Variants in NAALADL2 observed in about 807,000 individuals in gnomAD.
NAALADL2 encodes the protein inactive N-acetylated-alpha-linked acidic dipeptidase-like protein 2.
In NAALADL2, 76 loss-of-function variants were observed where a neutral mutation model predicts 87.2. That is an observed-to-expected ratio of 0.87 (90% CI 0.72 to 1.05). NAALADL2 has a LOEUF of 1.05. Ranked by LOEUF, NAALADL2 falls within the 50% of genes least tolerant of loss-of-function variation. The probability of loss-of-function intolerance (pLI) is 0.00; values close to 1 mark genes in which losing one functional copy is unlikely to be tolerated. For missense variants in NAALADL2, 1,089 were observed against 945.8 expected (o/e 1.15, Z -1.99); for synonymous variants, 354 against 331.0 (o/e 1.07, Z -0.75).
intron 1 of NAALADL2, among the ~76,000 whole-genome samples, chr3:175,023,686 A>G (rs941582873): frequency 1.3e-5 from 2 of 152,118 alleles, no homozygotes; most frequent in African/African-American, 4.8e-5. Context: ...GACATCACTA[A>G]TAACAATGAA....
At chr3:175,304,493 C>T (rs1757460613) in intron 4 of NAALADL2, among the ~76,000 whole-genome samples, 1 of 152,078 alleles carries the variant, frequency 6.6e-6, no homozygotes, top group Non-Finnish European at 1.5e-5. Flanking sequence ...TGACACATGC[C>T]TGTACTCATT....
At chr3:175,088,074 T>G (rs1719389853) in intron 1 of NAALADL2, among the ~76,000 whole-genome samples, 1 of 152,138 alleles carries the variant, frequency 6.6e-6, no homozygotes, top group Non-Finnish European at 1.5e-5. Context: ...TTTTTAGATA[T>G]AAAATTAATA....
intron 1 of NAALADL2, among the ~76,000 whole-genome samples, chr3:175,073,120 A>G (rs1450197249): frequency 1.3e-5 from 2 of 152,098 alleles, no homozygotes; most frequent in East Asian, 3.9e-4. Context: ...TTAAAATATC[A>G]TTAAATAATT....
intron 1 of NAALADL2, among the ~76,000 whole-genome samples, chr3:174,502,436 A>T (rs1425393440): frequency 1.3e-5 from 2 of 152,296 alleles, no homozygotes; most frequent in East Asian, 3.9e-4. Context: ...GAAAGGCATC[A>T]TTCTCATTTA....
chr3:174,799,996 G>T (rs1172294528), intron 3 of NAALADL2, among the ~76,000 whole-genome samples: 1 of 152,112 alleles, frequency 6.6e-6, no homozygotes. Flanking sequence ...ATGATATAGG[G>T]TATCTGGCAG....
At chr3:175,189,469 T>C (rs1165145904) in intron 2 of NAALADL2, among the ~76,000 whole-genome samples, 16 of 151,924 alleles carry the variant, frequency 1.1e-4, no homozygotes. Flanking sequence ...CAAGGAAAAA[T>C]TCTATATATA....
chr3:174,542,265 T>A (rs1387697577), intron 1 of NAALADL2, among the ~76,000 whole-genome samples: 1 of 152,156 alleles, frequency 6.6e-6, no homozygotes, highest in Non-Finnish European at 1.5e-5. Context: ...TCTACCTCAT[T>A]CACCCCTCAG....
At chr3:174,702,657 C>G (rs1729666947) in intron 2 of NAALADL2, among the ~76,000 whole-genome samples, 1 of 152,112 alleles carries the variant, frequency 6.6e-6, no homozygotes, top group Non-Finnish European at 1.5e-5. Context: ...TGTCAGCCTG[C>G]AAGCATGTTA....
intron 2 of NAALADL2, among the ~76,000 whole-genome samples, chr3:174,651,730 A>G (rs548162792): frequency 5.9e-5 from 9 of 152,290 alleles, no homozygotes; most frequent in Non-Finnish European, 8.8e-5. Flanking sequence ...GCTTCAAATC[A>G]TAGGCAAAGA....
chr3:175,523,215 T>C (rs1732911764), intron 9 of NAALADL2, among the ~76,000 whole-genome samples: 2 of 152,208 alleles, frequency 1.3e-5, no homozygotes, highest in African/African-American at 4.8e-5. Flanking sequence ...TTGTAATAAC[T>C]GGAGAGTCAG....
At chr3:175,314,359 C>T (rs975380824) in intron 4 of NAALADL2, among the ~76,000 whole-genome samples, 1 of 151,096 alleles carries the variant, frequency 6.6e-6, no homozygotes, top group African/African-American at 2.4e-5. Context: ...GATAAAATTA[C>T]ACATTCAAAC....
At chr3:175,241,325 A>G (rs1746836401) in intron 3 of NAALADL2, among the ~76,000 whole-genome samples, 1 of 152,052 alleles carries the variant, frequency 6.6e-6, no homozygotes. Flanking sequence ...GCTTCAAGCA[A>G]TTCTCCTACC....
intron 2 of NAALADL2, among the ~76,000 whole-genome samples, chr3:175,164,273 A>ATG (rs931979503): frequency 1.3e-4 from 20 of 151,934 alleles, no homozygotes; most frequent in Middle Eastern, 6.8e-3. Context: ...ATATGTATAT[A>ATG]TGTGTATATA....
At chr3:175,049,670 C>T (rs1281040617) in intron 1 of NAALADL2, among the ~76,000 whole-genome samples, 1 of 152,076 alleles carries the variant, frequency 6.6e-6, no homozygotes, top group Non-Finnish European at 1.5e-5. Context: ...GAGGTTTTAT[C>T]CTTTAATAAA....
chr3:175,396,760 A>C (rs1201893527), intron 5 of NAALADL2, among the ~76,000 whole-genome samples: 1 of 152,062 alleles, frequency 6.6e-6, no homozygotes, highest in Admixed American at 6.6e-5. Flanking sequence ...CTTGTGACTG[A>C]GTGAGTCCTC....
intron 11 of NAALADL2, among the ~76,000 whole-genome samples, chr3:175,657,239 A>T (rs1023284680): frequency 6.6e-6 from 1 of 152,210 alleles, no homozygotes; most frequent in Non-Finnish European, 1.5e-5. Context: ...GTATGAATAC[A>T]CTATTAATAT....
At chr3:174,973,425 T>C in intron 1 of NAALADL2, among the ~76,000 whole-genome samples, 1 of 152,208 alleles carries the variant, frequency 6.6e-6, no homozygotes, top group East Asian at 1.9e-4. Flanking sequence ...GAGTTGCATG[T>C]GTTTATATCC....
chr3:175,129,328 T>C (rs1164941090), intron 2 of NAALADL2, among the ~76,000 whole-genome samples: 1 of 152,164 alleles, frequency 6.6e-6, no homozygotes, highest in East Asian at 1.9e-4. Context: ...TACAATCTGC[T>C]TTCTTGTAAA....
At chr3:175,102,187 G>A (rs183520448) in intron 2 of NAALADL2, among the ~76,000 whole-genome samples, 203 of 152,098 alleles carry the variant, frequency 1.3e-3, no homozygotes, top group African/African-American at 4.6e-3. Flanking sequence ...GGACCTTTAG[G>A]TTCCCTCTGT....
Sources: allele counts gnomAD v4.1 joint callset (sites outside exome capture counted in the v4.1 genomes callset), GRCh38; gene constraint gnomAD v4.1.1; transcripts MANE v1.5; gene names NCBI Gene and HGNC (gene_info 2026-07-23, HGNC 2026-07-21).